Variants in SMURF1 observed in about 807,000 individuals in gnomAD.
SMURF1 encodes the protein E3 ubiquitin-protein ligase SMURF1.
In SMURF1, 44 loss-of-function variants were observed where a neutral mutation model predicts 98.0. The ratio of observed to expected loss-of-function variants is 0.45; its 90% confidence interval spans 0.35 to 0.58. SMURF1 has a LOEUF of 0.58. Ranked by LOEUF, SMURF1 falls within the 20% of genes least tolerant of loss-of-function variation. SMURF1 has a pLI of 0.00. For synonymous variants in SMURF1, 396 were observed against 374.9 expected (o/e 1.06, Z -0.65); for missense variants, 687 against 938.4 (o/e 0.73, Z 3.50).
At chr7:99,049,227 A>G (rs1055991705) in intron 9 of SMURF1, 15 of 256,934 alleles carry the variant, frequency 5.8e-5, no homozygotes, top group African/African-American at 3.0e-4. Context: ...CTAGGGGGAT[A>G]GCACGTATCT....
chr7:99,143,013 A>G (rs190992847), intron 1 of SMURF1, among the ~76,000 whole-genome samples: 1 of 147,280 alleles, frequency 6.8e-6, no homozygotes, highest in African/African-American at 2.5e-5. Context: ...CGATGCTAGG[A>G]AAGAAGTGAG....
chr7:99,096,772 A>T (rs1024438786), intron 1 of SMURF1, among the ~76,000 whole-genome samples: 1 of 152,228 alleles, frequency 6.6e-6, no homozygotes, highest in Non-Finnish European at 1.5e-5. Flanking sequence ...GCAAGGATAT[A>T]TATAGAAGAA....
chr7:99,082,960 ACTC>A (rs1376994080), intron 1 of SMURF1, among the ~76,000 whole-genome samples: 1 of 151,906 alleles, frequency 6.6e-6, no homozygotes, highest in African/African-American at 2.4e-5. Flanking sequence ...CATTGAATTT[ACTC>A]CTATTAATGC....
chr7:99,115,539 G>A (rs936239751), intron 1 of SMURF1, among the ~76,000 whole-genome samples: 6 of 152,108 alleles, frequency 3.9e-5, no homozygotes, highest in Non-Finnish European at 8.8e-5. Flanking sequence ...GCTGCAGTGA[G>A]CTGAGATCAT....
At chr7:99,122,081 C>A (rs1220872204) in intron 1 of SMURF1, among the ~76,000 whole-genome samples, 2 of 152,148 alleles carry the variant, frequency 1.3e-5, no homozygotes, top group East Asian at 3.9e-4. Context: ...GTAATCCCAG[C>A]ACTTTGGGAG....
Position 99,033,133 on chromosome 7 carries a change from A to G in SMURF1, c.2012-12T>C. On this transcript the variant is annotated splice_polypyrimidine_tract_variant and intron_variant, in intron 16 of 17. Transcript: ENST00000361368. ...CGCGCCTGTAGAACCTTACAAGACA[A>G]CATTCTAGTTAATGTACTTCAGAGT... 1 of 1,564,306 alleles carries G rather than the reference A, an allele frequency of 6.4e-7. No individual in the cohort carries two copies.
intron 1 of SMURF1, among the ~76,000 whole-genome samples, chr7:99,129,861 G>A (rs754164335): frequency 6.4e-4 from 97 of 152,276 alleles, no homozygotes; most frequent in Non-Finnish European, 1.1e-3. Context: ...GAACTTCAGC[G>A]AAGCATCTTA....
intron 1 of SMURF1, among the ~76,000 whole-genome samples, chr7:99,101,887 T>C (rs1486113786): frequency 6.6e-6 from 1 of 151,918 alleles, no homozygotes; most frequent in Non-Finnish European, 1.5e-5. Context: ...TGAGCCGAGA[T>C]TGTGCCATTG....
chr7:99,092,616 G>T (rs1284486261), intron 1 of SMURF1, among the ~76,000 whole-genome samples: 1 of 152,168 alleles, frequency 6.6e-6, no homozygotes, highest in Non-Finnish European at 1.5e-5. Flanking sequence ...TCTGTGCTTT[G>T]TGTTGGTGAC....
intron 1 of SMURF1, among the ~76,000 whole-genome samples, chr7:99,085,583 A>G (rs183095639): frequency 5.1e-4 from 78 of 152,290 alleles, no homozygotes; most frequent in African/African-American, 1.8e-3. Context: ...ATCATACTCA[A>G]TGAACCTATG....
chr7:99,113,280 G>A (rs1218076043), intron 1 of SMURF1, among the ~76,000 whole-genome samples: 1 of 152,094 alleles, frequency 6.6e-6, no homozygotes, highest in East Asian at 1.9e-4. Context: ...AACAGCAAGA[G>A]AGAAACAACT....
At chr7:99,058,977 G>A (rs1037285857) in intron 3 of SMURF1, among the ~76,000 whole-genome samples, 2 of 152,160 alleles carry the variant, frequency 1.3e-5, no homozygotes, top group African/African-American at 2.4e-5. Context: ...CCAGCTACTC[G>A]GGAGGCTGAA....
chr7:99,074,121 A>T (rs1420233571), intron 1 of SMURF1, among the ~76,000 whole-genome samples: 1 of 152,234 alleles, frequency 6.6e-6, no homozygotes, highest in Non-Finnish European at 1.5e-5. Context: ...AATGCCACTT[A>T]TATAAAGTAC....
chr7:99,119,003 A>ATTTTTTT (rs67705340), intron 1 of SMURF1, among the ~76,000 whole-genome samples: 4 of 42,930 alleles, frequency 9.3e-5, no homozygotes, highest in African/African-American at 4.3e-4. Flanking sequence ...TAACATGCCA[A>ATTTTTTT]TTTTTTTTTT....
At chr7:99,082,479 C>A (rs984175067) in intron 1 of SMURF1, among the ~76,000 whole-genome samples, 2 of 152,174 alleles carry the variant, frequency 1.3e-5, no homozygotes, top group Admixed American at 6.5e-5. Context: ...TATTATTTCC[C>A]CTGTCAAATT....
chr7:99,092,003 G>C (rs1468600683), intron 1 of SMURF1, among the ~76,000 whole-genome samples: 1 of 152,180 alleles, frequency 6.6e-6, no homozygotes, highest in Non-Finnish European at 1.5e-5. Context: ...CTATTTCCCA[G>C]ATGGGTGATG....
At chr7:99,098,192 AG>A (rs1796996882) in intron 1 of SMURF1, among the ~76,000 whole-genome samples, 2 of 152,254 alleles carry the variant, frequency 1.3e-5, no homozygotes, top group African/African-American at 4.8e-5. Context: ...TCCTTATTTC[AG>A]GAGTTAAATC....
intron 1 of SMURF1, among the ~76,000 whole-genome samples, chr7:99,116,077 G>A (rs1187614361): frequency 6.6e-6 from 1 of 151,962 alleles, no homozygotes; most frequent in East Asian, 1.9e-4. Context: ...CATATTAAAA[G>A]GATTATACAC....
At chr7:99,037,305 T>G (rs1795183180) in intron 14 of SMURF1, 118 bp from the exon 15 acceptor site, 1 of 1,277,232 alleles carries the variant, frequency 7.8e-7, no homozygotes, top group Non-Finnish European at 1.1e-6. Flanking sequence ...TGGCTCAATC[T>G]CGGCTCACTG....
Sources: allele counts gnomAD v4.1 joint callset (sites outside exome capture counted in the v4.1 genomes callset), GRCh38; gene constraint gnomAD v4.1.1; transcripts MANE v1.5; gene names NCBI Gene and HGNC (gene_info 2026-07-23, HGNC 2026-07-21).